Variants in IL1RAPL1 observed in about 807,000 individuals in gnomAD.
IL1RAPL1 encodes the protein interleukin 1 receptor accessory protein like 1.
IL1RAPL1 carries 3 observed loss-of-function variants against 48.4 expected under a neutral mutation model. That is an observed-to-expected ratio of 0.06 (90% CI 0.03 to 0.16). The LOEUF (loss-of-function observed/expected upper bound fraction) is 0.16, where lower values mean the gene tolerates loss of function less well. IL1RAPL1 is among the 10% of genes least tolerant of loss of function. The pLI, the probability that IL1RAPL1 is intolerant of heterozygous loss-of-function variation, is 1.00. For synonymous variants in IL1RAPL1, 185 were observed against 187.7 expected, an observed-to-expected ratio of 0.99 and a Z score of 0.12; for missense variants, 349 against 530.6, an observed-to-expected ratio of 0.66 and a Z score of 3.36.
At chrX:29,012,368 C>CTA (rs1926143453) in intron 2 of IL1RAPL1, among the ~76,000 whole-genome samples, 1 of 110,998 alleles carries the variant, frequency 9.0e-6, no homozygotes, top group African/African-American at 3.3e-5. Context: ...CATAGTGAAA[C>CTA]CCTGACTCTA....
Position 29,529,378 on chromosome X carries a change from G to A in IL1RAPL1, c.703+130070G>A, listed in dbSNP as rs896939740. 1.1e-4 allele frequency among the ~76,000 whole-genome samples: 12 copies of A among 110,814 alleles called. No homozygotes were observed. The Admixed American group carries it at 1.1e-3, about 11-fold the overall frequency. Reference sequence around the variant, plus strand: ...GGGGTCTGAGGTGGGCGGATCACCTGATGTCAGGAGTTTGAGACCAGCCTG... The same window carrying A: ...GGGGTCTGAGGTGGGCGGATCACCTAATGTCAGGAGTTTGAGACCAGCCTG... On this transcript the variant is annotated intron_variant, in intron 5 of 10. Coordinates refer to ENST00000378993, the MANE Select transcript of IL1RAPL1 (RefSeq NM_014271.4).
chrX:29,157,688 C>G (rs973816322), intron 2 of IL1RAPL1, among the ~76,000 whole-genome samples: 7 of 49,789 alleles, frequency 1.4e-4, no homozygotes, highest in African/African-American at 6.1e-4. Flanking sequence ...AGCTGTATGA[C>G]TTTGGGCAAA....
intron 5 of IL1RAPL1, among the ~76,000 whole-genome samples, chrX:29,433,546 A>G (rs1177851115): frequency 9.0e-6 from 1 of 111,334 alleles, no homozygotes; most frequent in African/African-American, 3.2e-5. Flanking sequence ...AGGCACATAC[A>G]TTTAATTTGT....
Position 29,381,825 on chromosome X carries a change from AAAAAAAAAATATATATATAT to A in IL1RAPL1, c.363-14431_363-14412del, listed in dbSNP as rs1395769471. On this transcript the variant is annotated intron_variant, in intron 3 of 10. Coordinates refer to ENST00000378993, the MANE Select transcript of IL1RAPL1 (RefSeq NM_014271.4). ...AGCAAGACTGTTGCCAAAAAAAAAA[AAAAAAAAAATATATATATAT>A]ATATATATATATATATATACATATA... 1.6e-3 allele frequency among the ~76,000 whole-genome samples: 95 copies of A among 57,621 alleles called. 2 individuals carry two copies. Among genetic ancestry groups the A allele is most frequent in the Non-Finnish European group, 2.9e-3 (80 of 27,616 alleles). The allele number at this position is 57,621 out of a possible 115,157, so 50.0% of individuals were successfully genotyped here. A position where few individuals can be genotyped will look rare whatever the true frequency, so the allele number is the denominator to read the frequency against.
intron 5 of IL1RAPL1, among the ~76,000 whole-genome samples, chrX:29,657,202 T>G (rs1005711493): frequency 1.8e-5 from 2 of 111,813 alleles, no homozygotes; most frequent in South Asian, 7.5e-4. Context: ...AAACCACTTT[T>G]AATATGTGGT....
At chrX:28,691,671 T>A (rs767986665) in intron 1 of IL1RAPL1, among the ~76,000 whole-genome samples, 43 of 111,792 alleles carry the variant, frequency 3.8e-4, no homozygotes, top group Admixed American at 3.0e-3. Flanking sequence ...CTTCCCTCCC[T>A]TCTTCTATCC....
At position 29,402,785 on chromosome X, in the gene IL1RAPL1, A is replaced by ATTT. The variant is rs139591089; in HGVS notation, c.703+3484_703+3486dup. Among the ~76,000 whole-genome samples the ATTT allele has an allele frequency of 3.4e-3, 362 of 106,555 alleles. 1 individual carries two copies. The highest frequency in any genetic ancestry group is 5.8e-3 in the Non-Finnish European group (300 of 51,657). The allele number at this position is 106,555 out of a possible 115,157, so 92.5% of individuals were successfully genotyped here. A position where few individuals can be genotyped will look rare whatever the true frequency, so the allele number is the denominator to read the frequency against. ...ATACTCTTGGTTGTGACTGTTTTACATTTTTTTTTATTTTTGATGACCTTT... is the reference window on the plus strand; with the variant it reads ...ATACTCTTGGTTGTGACTGTTTTACATTTTTTTTTTTTATTTTTGATGACCTTT... On this transcript the variant is annotated intron_variant, in intron 5 of 10. Coordinates refer to ENST00000378993, the MANE Select transcript of IL1RAPL1 (RefSeq NM_014271.4).
chrX:29,241,729 C>A (rs1012846655), intron 2 of IL1RAPL1, among the ~76,000 whole-genome samples: 1 of 111,738 alleles, frequency 8.9e-6, no homozygotes, highest in Non-Finnish European at 1.9e-5. Flanking sequence ...TATGAAGGGG[C>A]CTTAAAAAGA....
At chrX:28,861,879 C>T (rs1237731594) in intron 2 of IL1RAPL1, among the ~76,000 whole-genome samples, 1 of 108,716 alleles carries the variant, frequency 9.2e-6, no homozygotes, top group African/African-American at 3.4e-5. Flanking sequence ...TTTTTTTTTT[C>T]CCCTTGACCT....
At chrX:29,608,145 A>G (rs1281051444) in intron 5 of IL1RAPL1, among the ~76,000 whole-genome samples, 1 of 111,974 alleles carries the variant, frequency 8.9e-6, no homozygotes, top group African/African-American at 3.2e-5. Context: ...CTCTTTCCAC[A>G]TGATGTCTCT....
intron 5 of IL1RAPL1, among the ~76,000 whole-genome samples, chrX:29,401,968 A>G (rs1334583876): frequency 9.1e-6 from 1 of 109,655 alleles, no homozygotes; most frequent in Non-Finnish European, 1.9e-5. Context: ...ATCTTGGCTC[A>G]CTGCAACCTC....
At chrX:28,888,908 C>A (rs1205649031) in intron 2 of IL1RAPL1, among the ~76,000 whole-genome samples, 1 of 110,677 alleles carries the variant, frequency 9.0e-6, no homozygotes, top group Non-Finnish European at 1.9e-5. Flanking sequence ...CCTTTTATTA[C>A]CTGTTTCCCA....
intron 2 of IL1RAPL1, among the ~76,000 whole-genome samples, chrX:28,850,946 A>G (rs1331606597): frequency 9.4e-6 from 1 of 105,828 alleles, no homozygotes; most frequent in African/African-American, 3.6e-5. Context: ...CAGTATGGAA[A>G]AGTATAGTCT....
chrX:28,857,645 T>G (rs1921837811), intron 2 of IL1RAPL1, among the ~76,000 whole-genome samples: 1 of 111,472 alleles, frequency 9.0e-6, no homozygotes, highest in Non-Finnish European at 1.9e-5. Context: ...TGCTGAGTAT[T>G]CTGCATCCAT....
chrX:29,913,933 A>G, intron 6 of IL1RAPL1, among the ~76,000 whole-genome samples: 1 of 111,482 alleles, frequency 9.0e-6, no homozygotes, highest in East Asian at 2.8e-4. Context: ...CTTCAAAACT[A>G]TTTTATTTTC....
intron 5 of IL1RAPL1, among the ~76,000 whole-genome samples, chrX:29,642,675 T>C (rs1925203627): frequency 8.9e-6 from 1 of 112,626 alleles, no homozygotes; most frequent in Non-Finnish European, 1.9e-5. Flanking sequence ...GCTCAGACAA[T>C]GATTCCTGTA....
At chrX:29,427,234 G>A (rs1347493140) in intron 5 of IL1RAPL1, among the ~76,000 whole-genome samples, 1 of 111,509 alleles carries the variant, frequency 9.0e-6, no homozygotes, top group African/African-American at 3.3e-5. Context: ...AAACAAATCA[G>A]TAAAGAAGTA....
At chrX:29,681,499 C>CAA in intron 6 of IL1RAPL1, among the ~76,000 whole-genome samples, 1 of 111,918 alleles carries the variant, frequency 8.9e-6, no homozygotes, top group East Asian at 2.8e-4. Context: ...TCTGGCCCCA[C>CAA]AAAAAAGTAG....
At chrX:29,252,276 G>GAAAA (rs1208250005) in intron 2 of IL1RAPL1, among the ~76,000 whole-genome samples, 8 of 46,877 alleles carry the variant, frequency 1.7e-4, no homozygotes, top group Non-Finnish European at 4.3e-4. Flanking sequence ...AATAGTAAAA[G>GAAAA]AAAAAAGAAA....
Sources: allele counts gnomAD v4.1 joint callset (sites outside exome capture counted in the v4.1 genomes callset), GRCh38; gene constraint gnomAD v4.1.1; transcripts MANE v1.5; gene names NCBI Gene and HGNC (gene_info 2026-07-23, HGNC 2026-07-21).